Variants in UBR4 observed in about 807,000 individuals in gnomAD.
The protein encoded by UBR4 is ubiquitin protein ligase E3 component n-recognin 4.
In UBR4, 124 loss-of-function variants were observed where a neutral mutation model predicts 575.6. The observed-to-expected ratio is 0.22, with a 90% CI of 0.19 to 0.25. UBR4 has a LOEUF of 0.25. UBR4 is among the 10% of genes least tolerant of loss of function. The pLI is 1.00. For missense variants in UBR4, 4,818 were observed against 6,478.8 expected (o/e 0.74, Z 8.80); for synonymous variants, 2,455 against 2,473.7 (o/e 0.99, Z 0.22).
intron 13 of UBR4, 91 bp downstream of exon 13, chr1:19,187,073 G>GTT (rs1491189355): frequency 1.2e-6 from 1 of 842,160 alleles, no homozygotes; most frequent in Non-Finnish European, 1.4e-6. Flanking sequence ...TTTCAAGAAA[G>GTT]TTTTATATAT....
At chr1:19,201,570 T>G in intron 2 of UBR4, 148 bp downstream of exon 2, 1 of 581,706 alleles carries the variant, frequency 1.7e-6, no homozygotes. Context: ...TCATCCTAGC[T>G]GACAGTTGTC....
Position 19,187,500 on chromosome 1 carries a change from G to A in UBR4, c.1435C>T (p.His479Tyr). 1 of 1,613,768 alleles carries A rather than the reference G, an allele frequency of 6.2e-7. No homozygotes were observed. The change falls in exon 12 of 106, where the codon CAT (histidine) becomes TAT (tyrosine). Residue 479 changes from histidine to tyrosine, a missense_variant. Transcript: ENST00000375254. ...AGAGACGTTAGCAGTTTGATGGCAT[G>A]GTTTGCCAATATTACTGAGAGTACC... ...FGVLSVILAN[H>Y]AIKLLTSLFQ...
Position 19,084,665 on chromosome 1 carries a change from C to A in UBR4, c.14847G>T (p.Gln4949His). Reference protein sequence around the residue: ...HNTYLQECTGQREPTYQLNIH... With the variant: ...HNTYLQECTGHREPTYQLNIH... Reference sequence around the variant, plus strand: ...TGTTGAGCTGATACGTGGGCTCCCGCTGGCCTGTACATTCCTGGAGGTAAG... The same window carrying A: ...TGTTGAGCTGATACGTGGGCTCCCGATGGCCTGTACATTCCTGGAGGTAAG... Residue 4949 changes from glutamine to histidine, a missense_variant, in exon 102 of 106, where the codon CAG becomes CAT. Around this residue, in one of 29 missense-constraint regions of UBR4, gnomAD observed 196 missense variants for 386.8 expected, o/e 0.51. Coordinates refer to ENST00000375254, the MANE Select transcript of UBR4 (RefSeq NM_020765.3). The A allele has an allele frequency of 6.2e-7, 1 of 1,613,556 alleles. No individual in the cohort carries two copies. The highest frequency in any genetic ancestry group is 8.5e-7 in the Non-Finnish European group (1 of 1,179,670).
At chr1:19,179,845 G>A (rs893195138) in intron 17 of UBR4, among the ~76,000 whole-genome samples, 1 of 152,166 alleles carries the variant, frequency 6.6e-6, no homozygotes, top group South Asian at 2.1e-4. Context: ...TGGAAAACCA[G>A]ACAAATGCCT....
At chr1:19,086,023 G>A (rs2076978429) in intron 101 of UBR4, 122 bp downstream of exon 101, 2 of 1,419,026 alleles carry the variant, frequency 1.4e-6, no homozygotes, top group African/African-American at 2.8e-5. Flanking sequence ...CAAGCAGACA[G>A]ACATGGATTC....
intron 102 of UBR4, chr1:19,081,972 G>A (rs146426302): frequency 1.0e-4 from 59 of 588,972 alleles, no homozygotes; most frequent in Admixed American, 2.7e-4. Context: ...AGTGAGTGAT[G>A]GGGCCAAAAA....
At chr1:19,133,658 T>C (rs144191661) in intron 60 of UBR4, among the ~76,000 whole-genome samples, 1 of 152,182 alleles carries the variant, frequency 6.6e-6, no homozygotes, top group Admixed American at 6.5e-5. Context: ...ATCATTAGAA[T>C]AAATAAATGA....
In UBR4 at chr1:19,106,677, G is replaced by C. The variant is rs1040189646; in HGVS notation, c.12285C>G (p.Leu4095=). Residue 4095 remains leucine, a synonymous_variant, in exon 83 of 106, where the codon CTC becomes CTG. Transcript: ENST00000375254. The part of the protein sequence containing the change: ...KAPSKSELRH[L]YLTEKYVWRW... ...TCCACACATACTTCTCAGTCAAATA[G>C]AGATGGCGGAGCTCTGATTTGCTGG... 2 of 1,609,772 alleles carry C rather than the reference G, an allele frequency of 1.2e-6. No homozygotes were observed. The highest frequency in any genetic ancestry group is 1.7e-6 in the Non-Finnish European group (2 of 1,177,650).
In UBR4 at chr1:19,138,198, T is replaced by A; in HGVS notation, c.8732-17A>T. On this transcript the variant is annotated splice_polypyrimidine_tract_variant and intron_variant, in intron 59 of 105. Transcript: ENST00000375254. The stretch of plus-strand genomic sequence containing the variant: ...GGCCAGATACTAGAGGGAAATGGTT[T>A]AAAAAGCACAAATCAACTCCCAAAG... 6.7e-7 allele frequency: 1 copy of A among 1,484,024 alleles called. No individual in the cohort carries two copies. The highest frequency in any genetic ancestry group is 9.0e-7 in the Non-Finnish European group (1 of 1,106,578). 91.9% of individuals were successfully genotyped at this position (1,484,024 alleles called of 1,614,324 possible).
rs369831645 is a variant in UBR4, at chr1:19,193,456, C to A, written c.1120G>T (p.Ala374Ser). Residue 374 changes from alanine to serine, a missense_variant, in exon 9 of 106, where the codon GCA (alanine) becomes TCA (serine). Transcript: ENST00000375254. ...ACACATTTCTGGACAATTGTAGCTG[C>A]GTCACTTTCATAGTCATCTTCTTTG... ...SSKEDDYESDAATIVQKCLEI... is the reference protein window; with the variant it reads ...SSKEDDYESDSATIVQKCLEI... The A allele has an allele frequency of 3.4e-5, 55 of 1,614,012 alleles. No individual in the cohort carries two copies. The highest frequency in any genetic ancestry group is 4.6e-5 in the Non-Finnish European group (54 of 1,179,992).
At chr1:19,162,750 T>G in intron 34 of UBR4, 139 bp from the exon 35 acceptor site, 1 of 1,113,312 alleles carries the variant, frequency 9.0e-7, no homozygotes, top group Non-Finnish European at 1.2e-6. Flanking sequence ...TGTTTTTATT[T>G]ATTAACCAGG....
intron 8 of UBR4, among the ~76,000 whole-genome samples, chr1:19,194,460 C>A (rs755986189): frequency 6.6e-6 from 1 of 152,114 alleles, no homozygotes; most frequent in African/African-American, 2.4e-5. Flanking sequence ...TGCACTCCCA[C>A]CTGGCTGAAA....
intron 55 of UBR4, among the ~76,000 whole-genome samples, chr1:19,143,414 T>C (rs1239231399): frequency 6.6e-6 from 1 of 152,238 alleles, no homozygotes; most frequent in African/African-American, 2.4e-5. Context: ...AGACACCTTT[T>C]AGAATTGCTT....
chr1:19,205,835 C>T (rs2092978617), intron 1 of UBR4, among the ~76,000 whole-genome samples: 2 of 152,146 alleles, frequency 1.3e-5, no homozygotes, highest in Admixed American at 1.3e-4. Context: ...TAGTGAATAT[C>T]TGGAAACAGA....
chr1:19,098,233 CCA>C (rs2078258134), intron 90 of UBR4, among the ~76,000 whole-genome samples: 1 of 152,166 alleles, frequency 6.6e-6, no homozygotes, highest in Non-Finnish European at 1.5e-5. Context: ...GAGAGAACCA[CCA>C]CAGACACTGA....
In UBR4 at chr1:19,154,019, TA is replaced by T. The variant is rs2086089063; in HGVS notation, c.6459-81del. The T allele has an allele frequency of 4.0e-6, 6 of 1,497,880 alleles. No homozygotes were observed. In the Admixed American group the frequency reaches 1.2e-4, roughly 30 times the overall value. 92.8% of individuals were successfully genotyped at this position (1,497,880 alleles called of 1,614,324 possible). On this transcript the variant is annotated intron_variant, in intron 44 of 105. Transcript: ENST00000375254. ...TTTTCTTGACCTAAAAACCATCCTC[TA>T]ACTGGCTACGTGACTCCAAAGCAAT...
chr1:19,177,358 A>C lies in UBR4; in HGVS notation c.2637+103T>G. 3 of 1,466,068 alleles carry C rather than the reference A, an allele frequency of 2.0e-6. No homozygotes were observed. The Admixed American group carries it at 6.4e-5, about 31-fold the overall frequency. The allele number at this position is 1,466,068 out of a possible 1,614,324, so 90.8% of individuals were successfully genotyped here. On this transcript the variant is annotated intron_variant, in intron 19 of 105. Transcript: ENST00000375254. ...TACCCATCAACCTACCAAAACCTAA[A>C]ACCTAAAGTGGGTAGGTCATTTGGG...
intron 42 of UBR4, 142 bp downstream of exon 42, chr1:19,156,129 C>T: frequency 1.7e-6 from 2 of 1,163,386 alleles, no homozygotes; most frequent in South Asian, 1.6e-5. Context: ...CCACCTCAGC[C>T]TTCCAAGTAG....
At position 19,164,959 on chromosome 1, in the gene UBR4, C is replaced by T. The variant is rs201608264; in HGVS notation, c.4351G>A (p.Gly1451Ser). The change falls in exon 32 of 106, where the codon GGC (glycine) becomes AGC (serine). Residue 1451 changes from glycine (G) to serine (S), a missense_variant. Gly to Ser is a moderately conservative substitution (Grantham distance 56). This residue lies in a region of UBR4 where 1,172 missense variants were observed against 1,259.7 expected (regional missense o/e 0.93). Coordinates refer to ENST00000375254, the MANE Select transcript of UBR4 (RefSeq NM_020765.3). ...SPNPSLLHLC[G>S]SLAQLACVEP... ...ACACAGGCCAGTTGTGCCAGGGAGC[C>T]ACAGAGATGCAACAGGCTCGGGTTA... 10 of 1,613,964 alleles carry T rather than the reference C, an allele frequency of 6.2e-6. No homozygotes were observed. Among genetic ancestry groups the T allele is most frequent in the African/African-American group, 1.3e-5 (1 of 74,894 alleles).
Sources: allele counts gnomAD v4.1 joint callset (sites outside exome capture counted in the v4.1 genomes callset), GRCh38; gene constraint gnomAD v4.1.1; regional missense constraint gnomAD v4.1.1; transcripts MANE v1.5; gene names NCBI Gene and HGNC (gene_info 2026-07-23, HGNC 2026-07-21).